The following GPR143 variants were observed in gnomAD, a reference collection of about 807,000 sequenced individuals.
GPR143 encodes G-protein coupled receptor 143.
In GPR143, 8 loss-of-function variants were observed where a neutral mutation model predicts 27.6. The observed-to-expected ratio is 0.29, with a 90% confidence interval of 0.17 to 0.52. The LOEUF (loss-of-function observed/expected upper bound fraction) is 0.52, where lower values mean the gene tolerates loss of function less well. GPR143 is among the 20% of genes least tolerant of loss of function. The probability of loss-of-function intolerance (pLI) is 0.96; values close to 1 mark genes in which losing one functional copy is unlikely to be tolerated. For synonymous variants in GPR143, 156 were observed against 153.2 expected, an observed-to-expected ratio of 1.02 and a Z score of -0.13; for missense variants, 303 against 343.1, an observed-to-expected ratio of 0.88 and a Z score of 0.92.
intron 8 of GPR143, among the ~76,000 whole-genome samples, chrX:9,728,635 C>G (rs1358895631): frequency 5.2e-5 from 2 of 38,475 alleles, no homozygotes; most frequent in Non-Finnish European, 7.7e-5. Flanking sequence ...TAGACCCTAT[C>G]TCTTAAAAAA....
rs7065770 is a variant in GPR143 at position 9,771,372 on chromosome X, T to C, written c.-2-10546A>G. Reference sequence around the variant, plus strand: ...CACCTCACCCAGACCAAATTGTACATTTTTTTAAATAGGGAGACATGTGAA... The same window carrying C: ...CACCTCACCCAGACCAAATTGTACACTTTTTTAAATAGGGAGACATGTGAA... On this transcript the variant is annotated intron_variant, in intron 1 of 7. Coordinates refer to the GPR143 transcript ENST00000447366. 6.0e-3 allele frequency among the ~76,000 whole-genome samples: 666 copies of C among 111,576 alleles called. 8 individuals carry two copies. Among genetic ancestry groups the C allele is most frequent in the African/African-American group, 0.02 (606 of 30,722 alleles).
At chrX:9,740,665 C>G in intron 7 of GPR143, 2 of 289,419 alleles carry the variant, frequency 6.9e-6, no homozygotes, top group Non-Finnish European at 1.2e-5. Context: ...CCAGTTAATA[C>G]CAGAGATTTC....
At chrX:9,771,833 CTT>C (rs1275360609) in intron 1 of GPR143, among the ~76,000 whole-genome samples, 1 of 107,393 alleles carries the variant, frequency 9.3e-6, no homozygotes, top group Non-Finnish European at 1.9e-5. Flanking sequence ...TGCCTCAGCT[CTT>C]GAGTAGCTGG....
chrX:9,766,405 C>T (rs2083533556), upstream of GPR143, among the ~76,000 whole-genome samples: 1 of 111,739 alleles, frequency 8.9e-6, no homozygotes, highest in Non-Finnish European at 1.9e-5. Flanking sequence ...GCAGGATTTT[C>T]GTTTACAATT....
chrX:9,751,646 G>C (rs943496193), intron 3 of GPR143, among the ~76,000 whole-genome samples: 1 of 112,345 alleles, frequency 8.9e-6, no homozygotes, highest in Non-Finnish European at 1.9e-5. Flanking sequence ...ATGGGTACAG[G>C]GTTTCTTTTT....
upstream of GPR143, among the ~76,000 whole-genome samples, chrX:9,769,413 G>A (rs2083545675): frequency 9.0e-6 from 1 of 111,405 alleles, no homozygotes; most frequent in African/African-American, 3.3e-5. Context: ...TTTTCATGGT[G>A]AGTCCCCTGA....
chrX:9,732,020 G>A (rs913567987), intron 8 of GPR143, among the ~76,000 whole-genome samples: 3 of 111,778 alleles, frequency 2.7e-5, no homozygotes, highest in Non-Finnish European at 5.6e-5. Flanking sequence ...ATAGAGAGTA[G>A]AATTATAGAA....
intron 5 of GPR143, among the ~76,000 whole-genome samples, chrX:9,745,781 C>G (rs911409927): frequency 8.9e-6 from 1 of 112,128 alleles, no homozygotes; most frequent in Admixed American, 9.5e-5. Context: ...CCAGGAGAAG[C>G]CCAGTACAGA....
rs138339667 is a variant in GPR143 at position 9,743,630 on chromosome X, G to A, written c.702C>T (p.Asn234=). The A allele has an allele frequency of 5.9e-5, 70 of 1,185,939 alleles. No individual in the cohort carries two copies. Among genetic ancestry groups the A allele is most frequent in the Non-Finnish European group, 7.3e-5 (64 of 873,107 alleles). Residue 234 remains asparagine (N), a synonymous_variant, in exon 6 of 9, where the codon AAC becomes AAT. Transcript: ENST00000467482. ...TGATCACGGCTCCCATCCTCCTCTC[G>A]TTCTCCGTGTAAATGCCTTGTCTTC... ...LKGRQGIYTE[N]ERRMGAVIKI...
chrX:9,761,890 G>T (rs765641069), intron 1 of GPR143, among the ~76,000 whole-genome samples: 2 of 111,956 alleles, frequency 1.8e-5, no homozygotes, highest in South Asian at 7.5e-4. Context: ...TTGAGCCCAG[G>T]AGATGACACC....
chrX:9,775,369 G>C (rs984774068), intron 1 of GPR143, among the ~76,000 whole-genome samples: 2 of 112,147 alleles, frequency 1.8e-5, no homozygotes, highest in African/African-American at 6.5e-5. Context: ...CATGGGAAGA[G>C]AGGTGAACAA....
chrX:9,740,314 G>A (rs940807947), intron 7 of GPR143, among the ~76,000 whole-genome samples: 7 of 112,660 alleles, frequency 6.2e-5, no homozygotes, highest in African/African-American at 2.3e-4. Context: ...TCCAAACCAC[G>A]TGCAGGGATG....
intron 1 of GPR143, among the ~76,000 whole-genome samples, chrX:9,764,333 C>T (rs1203403851): frequency 1.8e-5 from 2 of 111,161 alleles, no homozygotes; most frequent in Non-Finnish European, 3.8e-5. Flanking sequence ...GATGTAAAAC[C>T]ATTCTTAGCT....
rs1436733472 is a variant in GPR143, at chrX:9,728,610, C to T, written c.1121-2770G>A. Among the ~76,000 whole-genome samples, 5 of 79,246 alleles carry T rather than the reference C, an allele frequency of 6.3e-5. 1 individual carries two copies. In the Admixed American group the frequency reaches 6.8e-4, roughly 11 times the overall value. 68.8% of individuals were successfully genotyped at this position (79,246 alleles called of 115,157 possible). A position where few individuals can be genotyped will look rare whatever the true frequency, so the allele number is the denominator to read the frequency against. The stretch of plus-strand genomic sequence containing the variant: ...TCAGGAGGAGTGCTTGAGTGTGAGA[C>T]CAGCCTGGGCAACATAGACCCTATC... On this transcript the variant is annotated intron_variant, in intron 8 of 8. Transcript: ENST00000467482.
intron 1 of GPR143, among the ~76,000 whole-genome samples, chrX:9,765,263 G>A (rs2083525059): frequency 1.9e-5 from 2 of 107,166 alleles, no homozygotes. Context: ...CTCACCCGGG[G>A]ATTGAGCAGG....
upstream of GPR143, chrX:9,765,904 A>C (rs2083530810): frequency 1.1e-6 from 1 of 918,940 alleles, no homozygotes; most frequent in Non-Finnish European, 1.4e-6. Context: ...GGGCGGCATC[A>C]TGTGCCCTGG....
chrX:9,756,831 T>A (rs59857739), intron 3 of GPR143, among the ~76,000 whole-genome samples: 1,551 of 112,625 alleles, frequency 0.014, 37 homozygotes, highest in African/African-American at 0.047. Context: ...GTTTCTTACC[T>A]GGTTATACCT....
At chrX:9,738,420 C>A in intron 8 of GPR143, 1 of 749,695 alleles carries the variant, frequency 1.3e-6, no homozygotes. Flanking sequence ...TTGTACCAGA[C>A]GGAAAGTCTG....
chrX:9,742,452 G>A (rs181319031), intron 6 of GPR143, among the ~76,000 whole-genome samples: 33 of 110,661 alleles, frequency 3.0e-4, no homozygotes, highest in Non-Finnish European at 5.5e-4. Flanking sequence ...TTGTTGTATC[G>A]CCCAGGATGG....
Sources: gnomAD v4.1 joint callset for allele counts (sites outside exome capture counted in the v4.1 genomes callset) on GRCh38, gnomAD v4.1.1 for gene constraint, MANE v1.5 for transcripts, NCBI Gene and HGNC (gene_info 2026-07-23, HGNC 2026-07-21) for gene names.